Variants in NCBP3 observed in about 807,000 individuals in gnomAD.
The protein encoded by NCBP3 is nuclear cap binding subunit 3.
Under a neutral mutation model 75.7 loss-of-function variants are expected in NCBP3, and 20 were observed. The observed-to-expected ratio is 0.26, with a 90% CI of 0.19 to 0.38. The LOEUF is 0.38. NCBP3 is among the 10% of genes least tolerant of loss of function. The pLI, the probability that NCBP3 is intolerant of heterozygous loss-of-function variation, is 1.00. For synonymous variants in NCBP3, 293 were observed against 290.5 expected, an observed-to-expected ratio of 1.01 and a Z score of -0.09; for missense variants, 678 against 796.9, an observed-to-expected ratio of 0.85 and a Z score of 1.80.
At chr17:3,840,724 A>G (rs1567596074) in intron 2 of NCBP3, among the ~76,000 whole-genome samples, 1 of 152,172 alleles carries the variant, frequency 6.6e-6, no homozygotes, top group Non-Finnish European at 1.5e-5. Context: ...AATCACACCT[A>G]TCACGCTCTT....
chr17:3,821,467 G>T, intron 8 of NCBP3, 115 bp from the exon 9 acceptor site: 1 of 782,938 alleles, frequency 1.3e-6, no homozygotes, highest in Non-Finnish European at 2.1e-6. Flanking sequence ...CTCTCTCCCA[G>T]GCTGAAGTGC....
chr17:3,825,702 A>C, intron 6 of NCBP3, 65 bp downstream of exon 6: 2 of 1,197,064 alleles, frequency 1.7e-6, no homozygotes, highest in Non-Finnish European at 2.4e-6. Flanking sequence ...TTTAAGGCTT[A>C]AGTTAAAAAG....
At chr17:3,833,466 T>C (rs1171816705) in intron 3 of NCBP3, among the ~76,000 whole-genome samples, 1 of 152,044 alleles carries the variant, frequency 6.6e-6, no homozygotes, top group Admixed American at 6.6e-5. Flanking sequence ...TTGAACAGGA[T>C]TATCCATTGC....
intron 7 of NCBP3, chr17:3,823,682 C>G (rs1362891239): frequency 2.0e-5 from 3 of 152,136 alleles, no homozygotes; most frequent in Non-Finnish European, 4.4e-5. Flanking sequence ...CTCAGCATCC[C>G]AAAGTGTTGC....
At chr17:3,838,812 AAAAG>A (rs1429210577) in intron 3 of NCBP3, among the ~76,000 whole-genome samples, 2 of 152,262 alleles carry the variant, frequency 1.3e-5, no homozygotes, top group Non-Finnish European at 2.9e-5. Context: ...TGAGCAACAA[AAAAG>A]AAAGAAATAT....
chr17:3,821,115 C>T, intron 9 of NCBP3, 134 bp downstream of exon 9: 1 of 548,758 alleles, frequency 1.8e-6, no homozygotes, highest in Non-Finnish European at 3.3e-6. Context: ...ACTTACTTTC[C>T]TATATGTTGG....
Position 3,807,518 on chromosome 17 carries a change from G to A in NCBP3, c.*5526C>T, listed in dbSNP as rs575609844. 1 of 152,166 alleles carries A rather than the reference G, an allele frequency of 6.6e-6. No individual in the cohort carries two copies. The highest frequency in any genetic ancestry group is 6.5e-5 in the Admixed American group (1 of 15,294). 9.4% of individuals were successfully genotyped at this position (152,166 alleles called of 1,614,324 possible). A position where few individuals can be genotyped will look rare whatever the true frequency, so the allele number is the denominator to read the frequency against. ...AGACAGTGATGCCAGAACTGGGCTG[G>A]GTTACCATAATTCATTCATTTACCA... On this transcript the variant is annotated 3_prime_UTR_variant, in exon 13 of 13. Coordinates refer to ENST00000389005, the MANE Select transcript of NCBP3 (RefSeq NM_001114118.3).
In NCBP3 at chr17:3,814,470, C is replaced by A; in HGVS notation, c.1479G>T (p.Arg493=). 1 of 1,614,120 alleles carries A rather than the reference C, an allele frequency of 6.2e-7. No homozygotes were observed. The highest frequency in any genetic ancestry group is 8.5e-7 in the Non-Finnish European group (1 of 1,180,018). Residue 493 remains arginine, a synonymous_variant, in exon 12 of 13, where the codon CGG becomes CGT. Coordinates refer to ENST00000389005, the MANE Select transcript of NCBP3 (RefSeq NM_001114118.3). ...VSSTKSDIRQ[R]LGKRPHSPEK... ...CCGGAGAATGTGGTCTTTTTCCTAA[C>A]CGCTGGCGTATATCTGAAAAAAGAG...
intron 11 of NCBP3, among the ~76,000 whole-genome samples, chr17:3,815,660 A>G (rs1325024587): frequency 6.6e-6 from 1 of 152,264 alleles, no homozygotes; most frequent in Non-Finnish European, 1.5e-5. Context: ...AAAGTAAGAC[A>G]TAAGAGTACA....
rs1445152761 is a variant in NCBP3 at position 3,829,367 on chromosome 17, T to C, written c.357A>G (p.Ala119=). 1.3e-6 allele frequency: 2 copies of C among 1,551,668 alleles called. No homozygotes were observed. Among genetic ancestry groups the C allele is most frequent in the Non-Finnish European group, 8.7e-7 (1 of 1,146,818 alleles). Residue 119 remains alanine, a splice_region_variant and synonymous_variant, in exon 4 of 13, where the codon GCA becomes GCG. Coordinates refer to ENST00000389005, the MANE Select transcript of NCBP3 (RefSeq NM_001114118.3). ...TTGTCTCCAGTCTCACCTTGGGGATTGCTAGAAAGACAAGACACAGAAAAG... is the reference window on the plus strand; with the variant it reads ...TTGTCTCCAGTCTCACCTTGGGGATCGCTAGAAAGACAAGACACAGAAAAG... ...VALDRDMMKK[A]IPKVRLETIY...
chr17:3,824,813 G>T (rs370535520), intron 7 of NCBP3, 129 bp downstream of exon 7: 30 of 465,622 alleles, frequency 6.4e-5, no homozygotes, highest in East Asian at 6.1e-4. Flanking sequence ...TTTCATAAGC[G>T]CAGAATATTA....
Position 3,818,569 on chromosome 17 carries a change from A to T in NCBP3, c.1004T>A (p.Leu335Gln), listed in dbSNP as rs781774522. ...LTSYKHRHSG[L>Q]VNVPEEPIEE... Reference sequence around the variant, plus strand: ...AATGGGTTCCTCGGGAACATTCACTAGCCCTGAAGAAATTTAACCAGAAAA... The same window carrying T: ...AATGGGTTCCTCGGGAACATTCACTTGCCCTGAAGAAATTTAACCAGAAAA... Residue 335 changes from leucine to glutamine, a missense_variant, in exon 10 of 13, where the codon CTA becomes CAA. Physicochemically the swap from Leu to Gln is moderately radical, Grantham distance 113. Coordinates refer to ENST00000389005, the MANE Select transcript of NCBP3 (RefSeq NM_001114118.3). This position sits in a 1 kb window ranked among gnomAD's most constrained non-coding sequence, Gnocchi z 4.7. 14 of 1,592,834 alleles carry T rather than the reference A, an allele frequency of 8.8e-6. No homozygotes were observed. The highest frequency in any genetic ancestry group is 1.7e-4 in the Middle Eastern group (1 of 5,904).
At chr17:3,843,240 T>C (rs2054097842) in intron 1 of NCBP3, 89 bp from the exon 2 acceptor site, 2 of 1,002,880 alleles carry the variant, frequency 2.0e-6, no homozygotes, top group East Asian at 2.7e-5. Flanking sequence ...AGGTTCTTTT[T>C]TCCTTTTTTT....
chr17:3,840,215 A>G lies in NCBP3; in HGVS notation c.250-10T>C. On this transcript the variant is annotated splice_polypyrimidine_tract_variant and intron_variant, in intron 2 of 12. Transcript: ENST00000389005. ...TCTTTTCAATTGCTTCCTAGAAAGT[A>G]CAGAAAAAGTGAAAGTAGTAAAATA... The G allele has an allele frequency of 6.5e-7, 1 of 1,550,250 alleles. No individual in the cohort carries two copies. Among genetic ancestry groups the G allele is most frequent in the Non-Finnish European group, 8.7e-7 (1 of 1,145,680 alleles).
In NCBP3 at chr17:3,814,361, T is replaced by C. The variant is rs745927502; in HGVS notation, c.1588A>G (p.Ser530Gly). 1.2e-5 allele frequency: 20 copies of C among 1,614,224 alleles called. No homozygotes were observed. Among genetic ancestry groups the C allele is most frequent in the Admixed American group, 1.7e-5 (1 of 60,024 alleles). Residue 530 changes from serine to glycine, a missense_variant, in exon 12 of 13, where the codon AGT becomes GGT. This residue lies in a region of NCBP3 where 365 missense variants were observed against 392.7 expected (regional missense o/e 0.93). Coordinates refer to ENST00000389005, the MANE Select transcript of NCBP3 (RefSeq NM_001114118.3). ...CGAGTATCGGCGTAGAGGCCTTTAC[T>C]ATCCTGCCTGGGAACACCTAGCCTA... ...HSRLGVPRQD[S>G]KGLYADTREK...
chr17:3,812,755 A>G lies in NCBP3; in HGVS notation c.*289T>C. On this transcript the variant is annotated 3_prime_UTR_variant, in exon 13 of 13. Coordinates refer to ENST00000389005, the MANE Select transcript of NCBP3 (RefSeq NM_001114118.3). ...AAGACACAATGTTAAAAATATTAAGAAAAATGTCTACAAAATCTGGAGGGC... is the reference window on the plus strand; with the variant it reads ...AAGACACAATGTTAAAAATATTAAGGAAAATGTCTACAAAATCTGGAGGGC... 1 of 1,231,284 alleles carries G rather than the reference A, an allele frequency of 8.1e-7. No homozygotes were observed. Among genetic ancestry groups the G allele is most frequent in the Non-Finnish European group, 1.0e-6 (1 of 978,468 alleles). The allele number at this position is 1,231,284 out of a possible 1,614,324, so 76.3% of individuals were successfully genotyped here.
At chr17:3,831,782 C>T (rs170150) in intron 3 of NCBP3, among the ~76,000 whole-genome samples, 26,702 of 119,780 alleles carry the variant, frequency 0.22, 7,725 homozygotes, top group African/African-American at 0.44. Flanking sequence ...ATAGAAAGAA[C>T]AAGATCTACT....
chr17:3,821,573 C>T (rs1286418847), intron 8 of NCBP3, among the ~76,000 whole-genome samples: 3 of 152,210 alleles, frequency 2.0e-5, no homozygotes, highest in Non-Finnish European at 4.4e-5. Flanking sequence ...CAGGCGCCCA[C>T]CACCATGCAT....
chr17:3,832,927 A>G (rs901292636), intron 3 of NCBP3, among the ~76,000 whole-genome samples: 9 of 152,166 alleles, frequency 5.9e-5, no homozygotes, highest in Non-Finnish European at 1.3e-4. Context: ...CTGACATCCC[A>G]GATTTAAAAA....
Sources: allele counts gnomAD v4.1 joint callset (sites outside exome capture counted in the v4.1 genomes callset), GRCh38; gene constraint gnomAD v4.1.1; regional missense constraint gnomAD v4.1.1; non-coding constraint Gnocchi (gnomAD v3.1); transcripts MANE v1.5; gene names NCBI Gene and HGNC (gene_info 2026-07-23, HGNC 2026-07-21).